The following CDH9 variants were observed in gnomAD, a reference collection of about 807,000 sequenced individuals.
The protein encoded by CDH9 is cadherin-9.
A neutral mutation model predicts 70.9 loss-of-function variants in CDH9; 28 were observed. The ratio of observed to expected loss-of-function variants is 0.40; its 90% CI spans 0.29 to 0.54. CDH9 has a LOEUF of 0.54. Among genes scored for constraint, CDH9 ranks in the 20% least tolerant of loss-of-function variants. The pLI is 0.59. For missense variants in CDH9, 874 were observed against 984.4 expected (o/e 0.89, Z 1.50); for synonymous variants, 409 against 343.1 (o/e 1.19, Z -2.12).
intron 2 of CDH9, among the ~76,000 whole-genome samples, chr5:26,918,143 T>C (rs1741179468): frequency 6.6e-6 from 1 of 152,184 alleles, no homozygotes; most frequent in Non-Finnish European, 1.5e-5. Flanking sequence ...TACATAGCAA[T>C]TGTTTTGTTT....
chr5:26,964,680 G>A (rs1443193904), intron 2 of CDH9, among the ~76,000 whole-genome samples: 2 of 151,780 alleles, frequency 1.3e-5, no homozygotes, highest in South Asian at 2.1e-4. Context: ...TTTGGACAAC[G>A]TGCAGGTTTG....
At chr5:26,882,982 TA>T (rs1445995316) in intron 11 of CDH9, among the ~76,000 whole-genome samples, 1 of 145,204 alleles carries the variant, frequency 6.9e-6, no homozygotes, top group Admixed American at 7.1e-5. Context: ...TAATTAGAAG[TA>T]TCTGTAGTTA....
intron 7 of CDH9, among the ~76,000 whole-genome samples, chr5:26,901,216 A>T (rs1370199081): frequency 6.6e-6 from 1 of 151,994 alleles, no homozygotes; most frequent in Admixed American, 6.6e-5. Flanking sequence ...TTTCAAAATG[A>T]TGTTAAACAA....
chr5:26,975,926 G>A (rs772596478), intron 2 of CDH9, among the ~76,000 whole-genome samples: 4 of 152,294 alleles, frequency 2.6e-5, no homozygotes, highest in Non-Finnish European at 5.9e-5. Flanking sequence ...TGAGACAGTG[G>A]TAAGAAATTG....
At chr5:26,997,048 T>C (rs1022403281) in intron 1 of CDH9, among the ~76,000 whole-genome samples, 1 of 152,048 alleles carries the variant, frequency 6.6e-6, no homozygotes, top group Non-Finnish European at 1.5e-5. Context: ...AGCTCTTGAA[T>C]GACCTTTTGC....
chr5:26,942,089 C>T (rs187014286), intron 2 of CDH9, among the ~76,000 whole-genome samples: 10 of 152,292 alleles, frequency 6.6e-5, no homozygotes, highest in Admixed American at 5.9e-4. Flanking sequence ...TTAATTGACT[C>T]ACAGTTCAGC....
intron 1 of CDH9, among the ~76,000 whole-genome samples, chr5:26,989,508 G>GTCTCTC (rs150867847): frequency 0.11 from 15,603 of 146,712 alleles, 889 homozygotes; most frequent in African/African-American, 0.13. Flanking sequence ...TCTCTTCTCT[G>GTCTCTC]TCTCTCTCTC....
At chr5:26,975,455 A>G (rs1742289927) in intron 2 of CDH9, among the ~76,000 whole-genome samples, 1 of 152,222 alleles carries the variant, frequency 6.6e-6, no homozygotes, top group Admixed American at 6.5e-5. Flanking sequence ...TTGAAACATG[A>G]ACTGAAATAG....
chr5:26,987,425 C>T (rs184769518), intron 2 of CDH9, among the ~76,000 whole-genome samples: 98 of 151,816 alleles, frequency 6.5e-4, no homozygotes, highest in Middle Eastern at 3.4e-3. Context: ...AAGGTCACGC[C>T]ACTAAAGAAA....
At chr5:27,006,841 T>C (rs1181699536) in intron 1 of CDH9, among the ~76,000 whole-genome samples, 1 of 152,006 alleles carries the variant, frequency 6.6e-6, no homozygotes, top group Non-Finnish European at 1.5e-5. Flanking sequence ...AAATATGAAG[T>C]GTCTACTGAT....
At chr5:26,930,125 T>G (rs1741416375) in intron 2 of CDH9, among the ~76,000 whole-genome samples, 1 of 152,026 alleles carries the variant, frequency 6.6e-6, no homozygotes, top group African/African-American at 2.4e-5. Context: ...TATCCACACA[T>G]TATGTACCTA....
intron 2 of CDH9, among the ~76,000 whole-genome samples, chr5:26,943,552 C>T (rs1196575138): frequency 6.6e-6 from 1 of 150,774 alleles, no homozygotes; most frequent in South Asian, 2.1e-4. Context: ...TCTCATGAGG[C>T]TCCAGAGGGC....
At chr5:26,909,044 C>T (rs991429541) in intron 3 of CDH9, among the ~76,000 whole-genome samples, 8 of 152,180 alleles carry the variant, frequency 5.3e-5, no homozygotes, top group East Asian at 3.9e-4. Flanking sequence ...AGTGCAGTGG[C>T]GCAATCTCGG....
intron 11 of CDH9, among the ~76,000 whole-genome samples, chr5:26,884,330 T>C (rs1040593010): frequency 5.3e-5 from 8 of 152,186 alleles, no homozygotes; most frequent in Non-Finnish European, 1.0e-4. Context: ...TACATTAATA[T>C]AGAAATTTTA....
chr5:26,954,025 C>T (rs1741897171), intron 2 of CDH9, among the ~76,000 whole-genome samples: 1 of 152,102 alleles, frequency 6.6e-6, no homozygotes, highest in Non-Finnish European at 1.5e-5. Context: ...ATTCCAAAAA[C>T]TTACATGAGT....
chr5:26,882,895 C>T (rs546036355), intron 11 of CDH9, among the ~76,000 whole-genome samples: 1 of 151,334 alleles, frequency 6.6e-6, no homozygotes, highest in East Asian at 2.0e-4. Context: ...CACTAAAGCC[C>T]TGTCCAGTGT....
chr5:27,027,086 A>G (rs1743232993), intron 1 of CDH9, among the ~76,000 whole-genome samples: 1 of 152,014 alleles, frequency 6.6e-6, no homozygotes, highest in Non-Finnish European at 1.5e-5. Context: ...AAATTTTATT[A>G]TTATTGACTT....
At chr5:26,939,002 G>A (rs1741611053) in intron 2 of CDH9, among the ~76,000 whole-genome samples, 2 of 151,836 alleles carry the variant, frequency 1.3e-5, no homozygotes, top group Admixed American at 1.3e-4. Context: ...TTAAAATATT[G>A]TGTGAAATTA....
chr5:26,909,186 A>G (rs1417023808), intron 3 of CDH9, among the ~76,000 whole-genome samples: 1 of 152,048 alleles, frequency 6.6e-6, no homozygotes, highest in Non-Finnish European at 1.5e-5. Flanking sequence ...GGGGTTTCCC[A>G]TGTTAGCCAG....
Sources: allele counts gnomAD v4.1 joint callset (sites outside exome capture counted in the v4.1 genomes callset), GRCh38; gene constraint gnomAD v4.1.1; transcripts MANE v1.5; gene names NCBI Gene and HGNC (gene_info 2026-07-23, HGNC 2026-07-21).